Variants in SLC4A4 observed in about 807,000 individuals in gnomAD.
SLC4A4 encodes electrogenic sodium bicarbonate cotransporter 1.
A neutral mutation model predicts 111.5 loss-of-function variants in SLC4A4; 27 were observed. The ratio of observed to expected loss-of-function variants is 0.24; its 90% CI spans 0.18 to 0.33. The LOEUF is 0.33. Among genes scored for constraint, SLC4A4 ranks in the 10% least tolerant of loss-of-function variants. SLC4A4 has a pLI of 1.00. For synonymous variants in SLC4A4, 443 were observed against 463.4 expected (o/e 0.96, Z 0.57); for missense variants, 909 against 1,315.5 (o/e 0.69, Z 4.78).
intron 3 of SLC4A4, among the ~76,000 whole-genome samples, chr4:71,275,922 C>A (rs1723035851): frequency 6.6e-6 from 1 of 152,206 alleles, no homozygotes; most frequent in African/African-American, 2.4e-5. Flanking sequence ...TGGTGATTTA[C>A]CTCTGTTAAA....
chr4:71,547,008 A>C (rs1735599103), intron 19 of SLC4A4, among the ~76,000 whole-genome samples: 1 of 151,878 alleles, frequency 6.6e-6, no homozygotes, highest in South Asian at 2.1e-4. Flanking sequence ...AGGTTTTTAT[A>C]CTCTGTTGAG....
chr4:71,292,910 C>T (rs1483036653), intron 3 of SLC4A4, among the ~76,000 whole-genome samples: 15 of 125,086 alleles, frequency 1.2e-4, no homozygotes, highest in African/African-American at 3.1e-4. Context: ...GGTGCGATTT[C>T]GGCTCACTGC....
chr4:71,215,081 G>T (rs1226833809), intron 1 of SLC4A4, among the ~76,000 whole-genome samples: 1 of 152,190 alleles, frequency 6.6e-6, no homozygotes, highest in African/African-American at 2.4e-5. Context: ...TAAATAAATT[G>T]TGTGTAACTC....
At chr4:71,457,839 C>A (rs1022823978) in intron 12 of SLC4A4, among the ~76,000 whole-genome samples, 9 of 152,006 alleles carry the variant, frequency 5.9e-5, no homozygotes, top group Admixed American at 4.6e-4. Context: ...CATCGATGTG[C>A]AAATCTCTTT....
chr4:71,181,532 T>C (rs767707940), intron 2 of SLC4A4, among the ~76,000 whole-genome samples: 2 of 152,156 alleles, frequency 1.3e-5, no homozygotes, highest in Non-Finnish European at 2.9e-5. Flanking sequence ...CCAATGTTAT[T>C]GTGTAAGAAG....
chr4:71,540,668 C>T (rs924984072), intron 18 of SLC4A4, among the ~76,000 whole-genome samples: 26 of 152,152 alleles, frequency 1.7e-4, no homozygotes, highest in African/African-American at 5.8e-4. Context: ...CTGTCTATTA[C>T]AACACCAAGG....
chr4:71,477,499 A>G (rs188055674), intron 14 of SLC4A4, among the ~76,000 whole-genome samples: 3 of 151,926 alleles, frequency 2.0e-5, no homozygotes, highest in Admixed American at 2.0e-4. Context: ...AATATGAAAC[A>G]TTGAAGCTGT....
At chr4:71,162,466 A>G (rs1035021877) in intron 2 of SLC4A4, among the ~76,000 whole-genome samples, 4 of 152,122 alleles carry the variant, frequency 2.6e-5, no homozygotes, top group African/African-American at 9.7e-5. Flanking sequence ...GACAATTCCA[A>G]GGTTTTTGTG....
chr4:71,128,726 C>G (rs371582828), intron 2 of SLC4A4, among the ~76,000 whole-genome samples: 4 of 152,228 alleles, frequency 2.6e-5, no homozygotes, highest in East Asian at 3.9e-4. Context: ...TAGACTCAAG[C>G]AATTTGACTG....
intron 6 of SLC4A4, among the ~76,000 whole-genome samples, chr4:71,361,868 TATTC>T (rs1308189084): frequency 6.6e-6 from 1 of 152,228 alleles, no homozygotes; most frequent in Non-Finnish European, 1.5e-5. Flanking sequence ...TCTTAATTGG[TATTC>T]ATTCAATAAA....
intron 3 of SLC4A4, among the ~76,000 whole-genome samples, chr4:71,304,351 T>C (rs1166265236): frequency 1.3e-5 from 2 of 152,200 alleles, no homozygotes; most frequent in Non-Finnish European, 2.9e-5. Context: ...GGTGTGAGTC[T>C]GAAAGCCCAA....
At chr4:71,345,980 A>T (rs780087611) in intron 4 of SLC4A4, among the ~76,000 whole-genome samples, 1 of 152,106 alleles carries the variant, frequency 6.6e-6, no homozygotes, top group Non-Finnish European at 1.5e-5. Flanking sequence ...TTAGCAAGAC[A>T]TTTATCATCA....
At chr4:71,448,547 A>G (rs1725471134) in intron 9 of SLC4A4, among the ~76,000 whole-genome samples, 1 of 152,188 alleles carries the variant, frequency 6.6e-6, no homozygotes, top group Non-Finnish European at 1.5e-5. Flanking sequence ...AATGATACAC[A>G]TCTAAAAATG....
chr4:71,396,380 C>A (rs570435686), intron 6 of SLC4A4, among the ~76,000 whole-genome samples: 1 of 152,230 alleles, frequency 6.6e-6, no homozygotes, highest in Non-Finnish European at 1.5e-5. Flanking sequence ...GTTATATAGG[C>A]ATTAATTTAT....
chr4:71,248,025 C>G (rs547064266), intron 2 of SLC4A4, among the ~76,000 whole-genome samples: 1 of 151,264 alleles, frequency 6.6e-6, no homozygotes, highest in Admixed American at 6.6e-5. Context: ...TGCTTCTGGA[C>G]AGAGTTAGGG....
At chr4:71,308,677 C>T (rs1206382795) in intron 3 of SLC4A4, among the ~76,000 whole-genome samples, 1 of 152,184 alleles carries the variant, frequency 6.6e-6, no homozygotes, top group Non-Finnish European at 1.5e-5. Flanking sequence ...GCTATCTGGC[C>T]CAGATACTAC....
chr4:71,355,742 A>T (rs924397990), intron 5 of SLC4A4, among the ~76,000 whole-genome samples: 1 of 152,264 alleles, frequency 6.6e-6, no homozygotes, highest in Non-Finnish European at 1.5e-5. Flanking sequence ...AAATTCAGTC[A>T]TGCCCAAGCA....
intron 6 of SLC4A4, among the ~76,000 whole-genome samples, chr4:71,360,975 A>G (rs889628466): frequency 6.6e-6 from 1 of 152,184 alleles, no homozygotes; most frequent in Non-Finnish European, 1.5e-5. Flanking sequence ...GAGTCCTGGT[A>G]GTACAGGCTT....
chr4:71,272,654 G>T (rs1225505457), intron 3 of SLC4A4, among the ~76,000 whole-genome samples: 1 of 152,148 alleles, frequency 6.6e-6, no homozygotes, highest in African/African-American at 2.4e-5. Context: ...AGTTGGGTCA[G>T]CCTCGGCATG....
Sources: gnomAD v4.1 joint callset for allele counts (sites outside exome capture counted in the v4.1 genomes callset) on GRCh38, gnomAD v4.1.1 for gene constraint, MANE v1.5 for transcripts, NCBI Gene and HGNC (gene_info 2026-07-23, HGNC 2026-07-21) for gene names.